RTTN: variants seen among roughly 807,000 people sequenced by gnomAD.
RTTN encodes rotatin.
A neutral mutation model predicts 269.2 loss-of-function variants in RTTN; 182 were observed. The ratio of observed to expected loss-of-function variants is 0.68; its 90% CI spans 0.60 to 0.76. The LOEUF (loss-of-function observed/expected upper bound fraction) is 0.76. Among genes scored for constraint, RTTN ranks in the 30% least tolerant of loss-of-function variants. The pLI, the probability that RTTN is intolerant of heterozygous loss-of-function variation, is 0.00. For missense variants in RTTN, 2,545 were observed against 2,608.6 expected (o/e 0.98, Z 0.53); for synonymous variants, 1,006 against 963.5 (o/e 1.04, Z -0.82).
chr18:70,011,329 A>G (rs1015962199), intron 46 of RTTN, among the ~76,000 whole-genome samples: 6 of 152,244 alleles, frequency 3.9e-5, no homozygotes, highest in African/African-American at 1.4e-4. Flanking sequence ...ACATCGATGC[A>G]AAAATCCTCA....
chr18:70,092,689 T>C lies in RTTN; in HGVS notation c.4019A>G (p.Gln1340Arg). The change falls in exon 29 of 49, where the codon CAG (glutamine) becomes CGG (arginine). Residue 1340 changes from glutamine to arginine, a missense_variant. Transcript: ENST00000640769. ...LLHLSHEMMA[Q>R]AGSLEWMSLW... ...TAACGCGCTCACCAAGCTCCCAGCC[T>C]GGGCCATCATCTCATGGGATAAGTG... The C allele has an allele frequency of 6.2e-7, 1 of 1,612,704 alleles. No homozygotes were observed. The highest frequency in any genetic ancestry group is 1.1e-5 in the South Asian group (1 of 90,838).
intron 33 of RTTN, among the ~76,000 whole-genome samples, chr18:70,074,483 G>A (rs2058377910): frequency 6.6e-6 from 1 of 151,854 alleles, no homozygotes; most frequent in Non-Finnish European, 1.5e-5. Context: ...AATAATTCGG[G>A]GATAAAGGAA....
intron 40 of RTTN, among the ~76,000 whole-genome samples, chr18:70,034,347 T>C (rs142021700): frequency 0.012 from 1,841 of 152,240 alleles, 24 homozygotes; most frequent in South Asian, 0.041. Flanking sequence ...AAAAAGCTAA[T>C]CCACTACGAA....
intron 38 of RTTN, among the ~76,000 whole-genome samples, chr18:70,053,806 G>A (rs2057740534): frequency 6.6e-6 from 1 of 152,126 alleles, no homozygotes; most frequent in Admixed American, 6.5e-5. Context: ...CTTGTTATTG[G>A]GAATGTTTTA....
In RTTN at chr18:70,088,107, G is replaced by T. The variant is rs1283270265; in HGVS notation, c.4184C>A (p.Thr1395Asn). 12 of 1,613,776 alleles carry T rather than the reference G, an allele frequency of 7.4e-6. No homozygotes were observed. The highest frequency in any genetic ancestry group is 9.3e-6 in the Non-Finnish European group (11 of 1,179,892). The part of the protein sequence containing the change: ...TSLGLGSALT[T>N]LETGCVALAN... Reference sequence around the variant, plus strand: ...TAAGGCCACACAGCCCGTTTCAAGGGTGGTCAGTGCTGATCCTAATCCCAG... The same window carrying T: ...TAAGGCCACACAGCCCGTTTCAAGGTTGGTCAGTGCTGATCCTAATCCCAG... Residue 1395 changes from threonine (T) to asparagine (N), a missense_variant, in exon 31 of 49, where the codon ACC becomes AAC. Transcript: ENST00000640769.
chr18:70,026,196 C>T (rs942319639), intron 43 of RTTN, among the ~76,000 whole-genome samples: 9 of 152,144 alleles, frequency 5.9e-5, no homozygotes, highest in East Asian at 1.9e-4. Context: ...CGCTTAAGCA[C>T]GGTGGCATTT....
chr18:70,067,222 C>T (rs566079031), intron 34 of RTTN, among the ~76,000 whole-genome samples: 25 of 150,478 alleles, frequency 1.7e-4, no homozygotes, highest in East Asian at 5.9e-4. Flanking sequence ...TGCAGTGGCA[C>T]GATCTCGGCT....
intron 46 of RTTN, among the ~76,000 whole-genome samples, chr18:70,015,732 G>T (rs1224156921): frequency 1.3e-5 from 2 of 152,088 alleles, no homozygotes; most frequent in Non-Finnish European, 2.9e-5. Context: ...TAATTCTAGA[G>T]GGGTCTAGAA....
intron 46 of RTTN, among the ~76,000 whole-genome samples, chr18:70,016,775 A>G (rs1006186614): frequency 6.6e-6 from 1 of 151,928 alleles, no homozygotes; most frequent in African/African-American, 2.4e-5. Flanking sequence ...GATCTCTCTC[A>G]ATCATCAAAT....
chr18:70,195,647 T>A (rs1276866504), intron 7 of RTTN, among the ~76,000 whole-genome samples: 2 of 152,238 alleles, frequency 1.3e-5, no homozygotes, highest in Non-Finnish European at 1.5e-5. Flanking sequence ...GTGTTATACT[T>A]CCCTAGAGGC....
intron 34 of RTTN, 118 bp downstream of exon 34, chr18:70,073,788 C>T: frequency 1.5e-6 from 1 of 677,858 alleles, no homozygotes; most frequent in Non-Finnish European, 2.5e-6. Context: ...GCAGAAAGCA[C>T]TTCGAATAAA....
intron 25 of RTTN, 89 bp from the exon 26 acceptor site, chr18:70,121,789 T>A: frequency 8.1e-7 from 1 of 1,237,080 alleles, no homozygotes. Context: ...TTAACAGATG[T>A]CTTGTGAGGA....
chr18:70,082,939 C>CA (rs1431798242), intron 32 of RTTN, among the ~76,000 whole-genome samples: 1 of 152,156 alleles, frequency 6.6e-6, no homozygotes, highest in Non-Finnish European at 1.5e-5. Flanking sequence ...GTGATCCTCT[C>CA]ACCTCAGCCT....
chr18:70,011,691 C>T (rs182169272), intron 46 of RTTN, among the ~76,000 whole-genome samples: 1 of 152,340 alleles, frequency 6.6e-6, no homozygotes, highest in East Asian at 1.9e-4. Flanking sequence ...GACAAGGATG[C>T]CATTTCTTAC....
intron 26 of RTTN, among the ~76,000 whole-genome samples, chr18:70,119,368 A>C (rs1272228942): frequency 4.6e-5 from 7 of 152,060 alleles, no homozygotes; most frequent in Admixed American, 3.9e-4. Context: ...TCAAAAGGTG[A>C]AAGATCTCTA....
chr18:70,006,471 A>C lies in RTTN; in HGVS notation c.6435T>G (p.Thr2145=). The C allele has an allele frequency of 6.2e-6, 10 of 1,613,636 alleles. No homozygotes were observed. The highest frequency in any genetic ancestry group is 8.5e-6 in the Non-Finnish European group (10 of 1,179,540). Residue 2145 remains threonine, a synonymous_variant, in exon 47 of 49, where the codon ACT becomes ACG. Coordinates refer to ENST00000640769, the MANE Select transcript of RTTN (RefSeq NM_173630.4). ...PKILANEKVI[T]VLAACLESEN... ...CACTTTCCAGACAGGCAGCAAGCAC[A>C]GTAATGACTTTTTCTAAAAATGAAC...
At chr18:70,129,333 G>A (rs567675133) in intron 23 of RTTN, 24 of 151,514 alleles carry the variant, frequency 1.6e-4, no homozygotes, top group Middle Eastern at 6.8e-3. Context: ...AAACAATCCC[G>A]AGCAAAAAGA....
At chr18:70,187,934 A>G (rs1315606857) in intron 10 of RTTN, among the ~76,000 whole-genome samples, 174 bp downstream of exon 10, 1 of 152,242 alleles carries the variant, frequency 6.6e-6, no homozygotes, top group African/African-American at 2.4e-5. Context: ...AGAAGTAACC[A>G]GAACCTTTGG....
At chr18:70,044,715 G>C (rs1477379797) in intron 40 of RTTN, among the ~76,000 whole-genome samples, 2 of 152,102 alleles carry the variant, frequency 1.3e-5, no homozygotes, top group African/African-American at 4.8e-5. Context: ...TTCGTCTTGT[G>C]ATTCATCAGT....
Sources: allele counts gnomAD v4.1 joint callset (sites outside exome capture counted in the v4.1 genomes callset), GRCh38; gene constraint gnomAD v4.1.1; transcripts MANE v1.5; gene names NCBI Gene and HGNC (gene_info 2026-07-23, HGNC 2026-07-21).